Variants in RNASE4 observed in about 807,000 individuals in gnomAD.
RNASE4 encodes the protein ribonuclease 4.
For synonymous variants in RNASE4, 93 were observed against 71.4 expected, an observed-to-expected ratio of 1.30 and a Z score of -1.52; for missense variants, 194 against 192.8, an observed-to-expected ratio of 1.01 and a Z score of -0.04.
intron 1 of RNASE4, among the ~76,000 whole-genome samples, chr14:20,697,531 T>C (rs1594213488): frequency 1.3e-5 from 2 of 152,130 alleles, no homozygotes; most frequent in South Asian, 2.1e-4. Flanking sequence ...ATATAGGAGG[T>C]GGCATTTAAA....
chr14:20,693,956 G>C (rs1886966657), intron 1 of RNASE4: 2 of 1,614,096 alleles, frequency 1.2e-6, no homozygotes, highest in African/African-American at 2.7e-5. Context: ...GTTGTTGCTT[G>C]TGAAAATGGC....
At chr14:20,699,214 AGAGATGAGTGGG>A (rs1887193742) in intron 1 of RNASE4, 129 bp from the exon 2 acceptor site, 1 of 665,388 alleles carries the variant, frequency 1.5e-6, no homozygotes, top group South Asian at 2.1e-5. Context: ...GAAAAGTAGC[AGAGATGAGTGGG>A]GAGATGGTGC....
intron 1 of RNASE4, among the ~76,000 whole-genome samples, chr14:20,697,371 G>A (rs1342513327): frequency 6.6e-6 from 1 of 152,136 alleles, no homozygotes; most frequent in South Asian, 2.1e-4. Context: ...TGTTCTTGGG[G>A]CAAAAAGGAA....
intron 1 of RNASE4, 96 bp from the exon 2 acceptor site, chr14:20,699,259 G>T: frequency 2.0e-6 from 2 of 998,906 alleles, no homozygotes; most frequent in Non-Finnish European, 2.9e-6. Context: ...GGAAAGAGGA[G>T]ACTATGGAGT....
intron 1 of RNASE4, among the ~76,000 whole-genome samples, chr14:20,686,860 T>C (rs550857372): frequency 6.6e-6 from 1 of 152,358 alleles, no homozygotes; most frequent in Admixed American, 6.5e-5. Flanking sequence ...CATCTAATTT[T>C]ATAATTAGTC....
chr14:20,689,927 A>AC (rs892688699), intron 1 of RNASE4, among the ~76,000 whole-genome samples: 1 of 150,608 alleles, frequency 6.6e-6, no homozygotes, highest in African/African-American at 2.4e-5. Context: ...AAAAAAAAAA[A>AC]AAAACAGGCC....
At chr14:20,690,955 C>A (rs1309937037) in intron 1 of RNASE4, among the ~76,000 whole-genome samples, 1 of 152,160 alleles carries the variant, frequency 6.6e-6, no homozygotes, top group Non-Finnish European at 1.5e-5. Context: ...GACAACAGGT[C>A]GGTCTTTATT....
intron 1 of RNASE4, among the ~76,000 whole-genome samples, chr14:20,693,001 C>T (rs1886863055): frequency 6.6e-6 from 1 of 151,848 alleles, no homozygotes; most frequent in Non-Finnish European, 1.5e-5. Context: ...GCGCCCGCCA[C>T]TACGCCCGGC....
intron 1 of RNASE4, among the ~76,000 whole-genome samples, chr14:20,693,048 C>A (rs1469950055): frequency 6.6e-6 from 1 of 151,542 alleles, no homozygotes; most frequent in Non-Finnish European, 1.5e-5. Context: ...GGGGTTTCAC[C>A]GTGGTAGCCA....
In RNASE4 at chr14:20,699,499, C is replaced by A; in HGVS notation, c.128C>A (p.Pro43His). The change falls in exon 2 of 2, where the codon CCT (proline) becomes CAT (histidine). Residue 43 changes from proline to histidine, a missense_variant. Transcript: ENST00000555835. ...CGATTCCTGCGGCAACACGTGCACC[C>A]TGAGGAGACAGGTGGCAGTGATCGC... The part of the protein sequence containing the change: ...YQRFLRQHVH[P>H]EETGGSDRYC... 1 of 1,614,170 alleles carries A rather than the reference C, an allele frequency of 6.2e-7. No homozygotes were observed. Among genetic ancestry groups the A allele is most frequent in the Admixed American group, 1.7e-5 (1 of 60,030 alleles).
Position 20,699,261 on chromosome 14 carries a change from C to G in RNASE4, c.-17-94C>G, listed in dbSNP as rs115069247. The G allele has an allele frequency of 1.4e-3, 1,414 of 1,024,080 alleles. 17 individuals are homozygous for G. The African/African-American group carries it at 0.02, about 15-fold the overall frequency. 63.4% of individuals were successfully genotyped at this position (1,024,080 alleles called of 1,614,324 possible). ...CATATAAGAAGGAGGAAAGAGGAGACTATGGAGTCAGGATGCCGGCTTGCT... is the reference window on the plus strand; with the variant it reads ...CATATAAGAAGGAGGAAAGAGGAGAGTATGGAGTCAGGATGCCGGCTTGCT... On this transcript the variant is annotated intron_variant, in intron 1 of 1. Coordinates refer to ENST00000555835, the MANE Select transcript of RNASE4 (RefSeq NM_002937.5).
chr14:20,693,220 T>C (rs1024593384), intron 1 of RNASE4, among the ~76,000 whole-genome samples: 5 of 152,216 alleles, frequency 3.3e-5, no homozygotes, highest in Admixed American at 2.0e-4. Context: ...TATGTAATGT[T>C]CATTATTCAA....
At chr14:20,685,488 T>G (rs1314706695) in intron 1 of RNASE4, among the ~76,000 whole-genome samples, 2 of 152,212 alleles carry the variant, frequency 1.3e-5, no homozygotes, top group Non-Finnish European at 2.9e-5. Flanking sequence ...GACATCATTA[T>G]CTGTGGCACA....
chr14:20,690,006 G>A (rs1209517159), intron 1 of RNASE4, among the ~76,000 whole-genome samples: 2 of 148,620 alleles, frequency 1.3e-5, no homozygotes, highest in Non-Finnish European at 3.0e-5. Context: ...ATGAGGTCAG[G>A]AGATCGAGAC....
rs1887198824 is a variant in RNASE4 at position 20,699,346 on chromosome 14, C to G, written c.-17-9C>G. ...CCTTATTTCTCCTGCCCCTTGCTTTCTTTTCTAGGCACCTCTAAGATACTG... is the reference window on the plus strand; with the variant it reads ...CCTTATTTCTCCTGCCCCTTGCTTTGTTTTCTAGGCACCTCTAAGATACTG... On this transcript the variant is annotated splice_polypyrimidine_tract_variant and intron_variant, in intron 1 of 1. Coordinates refer to ENST00000555835, the MANE Select transcript of RNASE4 (RefSeq NM_002937.5). 1 of 1,547,726 alleles carries G rather than the reference C, an allele frequency of 6.5e-7. No homozygotes were observed. The highest frequency in any genetic ancestry group is 1.4e-5 in the African/African-American group (1 of 72,958).
intron 1 of RNASE4, chr14:20,699,073 G>T: frequency 3.4e-6 from 1 of 291,466 alleles, no homozygotes; most frequent in Non-Finnish European, 6.4e-6. Context: ...CACAAACCTG[G>T]CAGCCACGCA....
chr14:20,692,502 C>A (rs1363072918), intron 1 of RNASE4, among the ~76,000 whole-genome samples: 1 of 152,262 alleles, frequency 6.6e-6, no homozygotes, highest in Non-Finnish European at 1.5e-5. Context: ...AGCTCTGCCT[C>A]CTGCCAGATC....
chr14:20,690,751 G>T (rs17114699), intron 1 of RNASE4, among the ~76,000 whole-genome samples: 31,252 of 152,008 alleles, frequency 0.21, 4,577 homozygotes, highest in African/African-American at 0.42. Flanking sequence ...ACAAACCTAG[G>T]CCTGGAGAGA....
At chr14:20,695,961 C>T (rs55643105) in intron 1 of RNASE4, among the ~76,000 whole-genome samples, 3,600 of 152,314 alleles carry the variant, frequency 0.024, 60 homozygotes, top group Non-Finnish European at 0.033. Context: ...TGCCATATTA[C>T]CAAATCTCAA....
Sources: allele counts gnomAD v4.1 joint callset (sites outside exome capture counted in the v4.1 genomes callset), GRCh38; gene constraint gnomAD v4.1.1; transcripts MANE v1.5; gene names NCBI Gene and HGNC (gene_info 2026-07-23, HGNC 2026-07-21).